The following MPP7 variants were observed in gnomAD, a reference collection of about 807,000 sequenced individuals.
The protein encoded by MPP7 is MAGUK p55 subfamily member 7.
MPP7 carries 60 observed loss-of-function variants against 76.5 expected under a neutral mutation model. The observed-to-expected ratio is 0.78, with a 90% confidence interval of 0.64 to 0.97. MPP7 has a LOEUF of 0.97. Among genes scored for constraint, MPP7 ranks in the 50% least tolerant of loss-of-function variants. The probability of loss-of-function intolerance (pLI) is 0.00; values close to 1 mark genes in which losing one functional copy is unlikely to be tolerated. For synonymous variants in MPP7, 237 were observed against 244.5 expected, an observed-to-expected ratio of 0.97 and a Z score of 0.29; for missense variants, 641 against 694.0, an observed-to-expected ratio of 0.92 and a Z score of 0.86.
chr10:28,258,488 C>T (rs1487081208), intron 1 of MPP7, among the ~76,000 whole-genome samples: 1 of 150,232 alleles, frequency 6.7e-6, no homozygotes, highest in Non-Finnish European at 1.5e-5. Context: ...AAACCTCAGC[C>T]TCCCAGATTC....
chr10:28,261,146 A>C (rs1038870954), intron 1 of MPP7, among the ~76,000 whole-genome samples: 2 of 152,218 alleles, frequency 1.3e-5, no homozygotes, highest in African/African-American at 4.8e-5. Flanking sequence ...TCCAGAATTA[A>C]CCATTTTGGC....
In MPP7 at chr10:28,069,622, A is replaced by T. The variant is rs562680785; in HGVS notation, c.1204+150T>A. The stretch of plus-strand genomic sequence containing the variant: ...CATCTCAAAAAAACAAAACAAACAA[A>T]AAAAAAACTCACATGCCCCATAAAT... On this transcript the variant is annotated intron_variant, in intron 13 of 16. Transcript: ENST00000683449. 2.0e-4 allele frequency: 96 copies of T among 480,734 alleles called. 1 individual carries two copies. Among genetic ancestry groups the T allele is most frequent in the African/African-American group, 1.8e-3 (89 of 50,076 alleles). The allele number at this position is 480,734 out of a possible 1,614,324, so 29.8% of individuals were successfully genotyped here. A position where few individuals can be genotyped will look rare whatever the true frequency, so the allele number is the denominator to read the frequency against.
At chr10:28,184,451 G>A (rs1220637729) in intron 3 of MPP7, among the ~76,000 whole-genome samples, 1 of 149,202 alleles carries the variant, frequency 6.7e-6, no homozygotes, top group African/African-American at 2.4e-5. Flanking sequence ...GCTCATGCCT[G>A]TAATTCCAGC....
At chr10:28,118,446 C>G in intron 11 of MPP7, 1 of 984,992 alleles carries the variant, frequency 1.0e-6, no homozygotes, top group African/African-American at 1.7e-5. Context: ...GACACATTAT[C>G]TTATCCCACA....
Position 28,056,506 on chromosome 10 carries a change from C to A in MPP7, c.1525G>T (p.Asp509Tyr). Residue 509 changes from aspartate to tyrosine, a missense_variant, in exon 16 of 17, where the codon GAC (aspartate) becomes TAC (tyrosine). By Grantham distance (160) the Asp-to-Tyr change is radical. Coordinates refer to ENST00000683449, the MANE Select transcript of MPP7 (RefSeq NM_001318170.2). ...KNAKIISSRD[D>Y]QGAAKPFTEE... The stretch of plus-strand genomic sequence containing the variant: ...GTGAAGGGTTTTGCAGCACCTTGGT[C>A]ATCTCTGCTTGAAATAATCTTTGCA... 2 of 1,612,774 alleles carry A rather than the reference C, an allele frequency of 1.2e-6. No individual in the cohort carries two copies. Among genetic ancestry groups the A allele is most frequent in the South Asian group, 2.2e-5 (2 of 90,726 alleles).
At chr10:28,121,834 T>A (rs1588804716) in intron 8 of MPP7, among the ~76,000 whole-genome samples, 1 of 149,592 alleles carries the variant, frequency 6.7e-6, no homozygotes, top group African/African-American at 2.4e-5. Flanking sequence ...AAGGCTCTGA[T>A]GTGTACTGTC....
At chr10:28,218,178 T>G (rs7084702) in intron 2 of MPP7, among the ~76,000 whole-genome samples, 26,347 of 152,026 alleles carry the variant, frequency 0.17, 2,584 homozygotes, top group African/African-American at 0.26. Flanking sequence ...CGGTGGAGAA[T>G]TGGCTATGGT....
At chr10:28,127,744 C>T (rs745346270) in intron 6 of MPP7, among the ~76,000 whole-genome samples, 4 of 152,226 alleles carry the variant, frequency 2.6e-5, no homozygotes, top group East Asian at 1.9e-4. Flanking sequence ...GACACAGAGC[C>T]GAACCCTATC....
Position 28,053,794 on chromosome 10 carries a change from C to A in MPP7, c.*271G>T. The stretch of plus-strand genomic sequence containing the variant: ...TAAGTCTCTCTGAAAATTTCAGCCT[C>A]ATCTTGGAGATAGAGCGGTATTGAA... On this transcript the variant is annotated 3_prime_UTR_variant, in exon 17 of 17. Transcript: ENST00000683449. 2.6e-6 allele frequency: 1 copy of A among 388,408 alleles called. No homozygotes were observed. Among genetic ancestry groups the A allele is most frequent in the East Asian group, 5.6e-5 (1 of 18,004 alleles). The allele number at this position is 388,408 out of a possible 1,614,324, so 24.1% of individuals were successfully genotyped here.
chr10:28,161,285 G>C (rs567612360), intron 3 of MPP7, among the ~76,000 whole-genome samples: 21 of 152,144 alleles, frequency 1.4e-4, no homozygotes, highest in African/African-American at 5.1e-4. Flanking sequence ...TCACAGCTGG[G>C]ATATTTTAAT....
chr10:28,335,150 G>A (rs1834505878), upstream of MPP7, among the ~76,000 whole-genome samples: 1 of 152,200 alleles, frequency 6.6e-6, no homozygotes, highest in Admixed American at 6.5e-5. Context: ...GAGCTGTTTG[G>A]GTGTCCCCTT....
intron 12 of MPP7, among the ~76,000 whole-genome samples, chr10:28,085,195 C>A (rs1253948510): frequency 6.6e-6 from 1 of 152,164 alleles, no homozygotes; most frequent in African/African-American, 2.4e-5. Context: ...GTTCTGGTGT[C>A]CACCTGCTGG....
At chr10:28,220,938 TA>T (rs1483979922) in intron 2 of MPP7, among the ~76,000 whole-genome samples, 1 of 152,278 alleles carries the variant, frequency 6.6e-6, no homozygotes, top group Admixed American at 6.5e-5. Context: ...TTAGTGGAAT[TA>T]AAAAGCATTT....
intron 2 of MPP7, among the ~76,000 whole-genome samples, chr10:28,319,645 G>C (rs974052858): frequency 2.0e-5 from 3 of 152,050 alleles, no homozygotes; most frequent in Non-Finnish European, 4.4e-5. Flanking sequence ...CATAAATTCT[G>C]AGGGGGTATT....
chr10:28,124,879 C>T (rs1834966600), intron 7 of MPP7, 131 bp downstream of exon 7: 2 of 733,272 alleles, frequency 2.7e-6, no homozygotes, highest in Admixed American at 4.2e-5. Context: ...CATTTCAACA[C>T]AGAGAAAAAT....
At chr10:28,275,563 C>A (rs576868253) in intron 1 of MPP7, among the ~76,000 whole-genome samples, 3 of 151,972 alleles carry the variant, frequency 2.0e-5, no homozygotes, top group Non-Finnish European at 4.4e-5. Flanking sequence ...CGCACCACCA[C>A]GCCTGGCTAA....
chr10:28,157,570 A>G (rs895450655), intron 3 of MPP7, among the ~76,000 whole-genome samples: 2 of 152,218 alleles, frequency 1.3e-5, no homozygotes, highest in African/African-American at 4.8e-5. Flanking sequence ...CTTGAGATGA[A>G]GGGCATGCCT....
chr10:28,153,684 C>T (rs1226668048), intron 3 of MPP7, among the ~76,000 whole-genome samples: 2 of 152,102 alleles, frequency 1.3e-5, no homozygotes, highest in Non-Finnish European at 2.9e-5. Context: ...GTTTTACTTA[C>T]ACATACAATA....
chr10:28,297,748 A>G (rs538045566), intron 1 of MPP7, among the ~76,000 whole-genome samples: 17 of 152,350 alleles, frequency 1.1e-4, no homozygotes, highest in African/African-American at 3.6e-4. Context: ...TCTGCCTTTC[A>G]GAAAAGATCT....
Sources: gnomAD v4.1 joint callset for allele counts (sites outside exome capture counted in the v4.1 genomes callset) on GRCh38, gnomAD v4.1.1 for gene constraint, MANE v1.5 for transcripts, NCBI Gene and HGNC (gene_info 2026-07-23, HGNC 2026-07-21) for gene names.